FGGY: variants seen among roughly 807,000 people sequenced by gnomAD.
FGGY encodes the protein FGGY carbohydrate kinase domain-containing protein.
Under a neutral mutation model 71.3 loss-of-function variants are expected in FGGY, and 72 were observed. That is an observed-to-expected ratio of 1.01 (90% CI 0.84 to 1.23). The LOEUF is 1.23. FGGY is among the 50% of genes most tolerant of loss of function. FGGY has a pLI of 0.00. For missense variants in FGGY, 668 were observed against 682.3 expected (o/e 0.98, Z 0.23); for synonymous variants, 251 against 250.3 (o/e 1.00, Z -0.02).
intron 4 of FGGY, among the ~76,000 whole-genome samples, chr1:59,371,378 C>A (rs1392758412): frequency 3.9e-5 from 6 of 152,074 alleles, no homozygotes; most frequent in Non-Finnish European, 8.8e-5. Flanking sequence ...ATATATGCAC[C>A]CAATACAGGA....
chr1:59,302,896 G>A (rs1169540960), intron 1 of FGGY, among the ~76,000 whole-genome samples: 1 of 152,018 alleles, frequency 6.6e-6, no homozygotes, highest in Non-Finnish European at 1.5e-5. Context: ...AGCCATCAGG[G>A]CCTGGAGTTG....
intron 7 of FGGY, among the ~76,000 whole-genome samples, chr1:59,533,694 A>C (rs931884653): frequency 1.8e-4 from 27 of 146,914 alleles, no homozygotes; most frequent in Non-Finnish European, 2.8e-4. Context: ...TGACCCCTGA[A>C]CCCCGAGCAG....
At chr1:59,677,616 T>C (rs1050226452) in intron 14 of FGGY, among the ~76,000 whole-genome samples, 3 of 152,184 alleles carry the variant, frequency 2.0e-5, no homozygotes, top group African/African-American at 7.2e-5. Context: ...CTTTCTTGGG[T>C]GATACCAATG....
chr1:59,504,107 A>G lies in FGGY; in HGVS notation c.671-8204A>G, dbSNP rs2094314619. 2.0e-5 allele frequency among the ~76,000 whole-genome samples: 3 copies of G among 152,086 alleles called. No individual in the cohort carries two copies. In the South Asian group the frequency reaches 6.2e-4, roughly 31 times the overall value. On this transcript the variant is annotated intron_variant, in intron 6 of 15. Coordinates refer to ENST00000303721, the MANE Select transcript of FGGY (RefSeq NM_018291.5). ...TGCCTGTGTAAAAAAGCCTCCATAA[A>G]AACCCAAGAGTACAGGGTTTGGAGA...
At chr1:59,751,363 T>C (rs2101693518) in intron 14 of FGGY, among the ~76,000 whole-genome samples, 1 of 152,286 alleles carries the variant, frequency 6.6e-6, no homozygotes, top group Admixed American at 6.5e-5. Context: ...ACCACAGTGT[T>C]TTTTAACCAT....
rs569857079 is a variant in FGGY, at chr1:59,464,291, G to T, written c.670+7215G>T. 3.3e-5 allele frequency among the ~76,000 whole-genome samples: 5 copies of T among 152,284 alleles called. No individual in the cohort carries two copies. In the East Asian group the frequency reaches 9.6e-4, roughly 29 times the overall value. On this transcript the variant is annotated intron_variant, in intron 6 of 15. Coordinates refer to ENST00000303721, the MANE Select transcript of FGGY (RefSeq NM_018291.5). ...CTGGGTAAATAATGAAATGAATGTG[G>T]AAATAACGATGTTCTTTGAAACCAA...
intron 2 of FGGY, among the ~76,000 whole-genome samples, chr1:59,327,823 G>T (rs950933419): frequency 1.3e-5 from 2 of 152,176 alleles, no homozygotes; most frequent in Non-Finnish European, 2.9e-5. Context: ...TCATCTCCTT[G>T]TACATCTTCA....
At chr1:59,474,912 A>G (rs905064960) in intron 6 of FGGY, among the ~76,000 whole-genome samples, 3 of 151,744 alleles carry the variant, frequency 2.0e-5, no homozygotes, top group African/African-American at 7.3e-5. Flanking sequence ...CTCAGCCTCA[A>G]TTAGTATATT....
chr1:59,576,092 A>G (rs1571501789), intron 8 of FGGY, among the ~76,000 whole-genome samples: 2 of 152,190 alleles, frequency 1.3e-5, no homozygotes, highest in South Asian at 2.1e-4. Context: ...GCATTCTCAC[A>G]TGCACACATA....
chr1:59,610,693 G>A (rs570706084), intron 9 of FGGY, among the ~76,000 whole-genome samples: 35 of 152,358 alleles, frequency 2.3e-4, no homozygotes, highest in East Asian at 1.2e-3. Flanking sequence ...CCCACAGACC[G>A]TGAGCCGAAG....
intron 2 of FGGY, among the ~76,000 whole-genome samples, chr1:59,330,118 TAATA>T (rs759633211): frequency 2.6e-5 from 4 of 152,208 alleles, no homozygotes; most frequent in Non-Finnish European, 5.9e-5. Context: ...TGTTATCAAA[TAATA>T]AAATCATTCT....
At chr1:59,350,790 G>A (rs969433812) in intron 4 of FGGY, among the ~76,000 whole-genome samples, 1 of 152,188 alleles carries the variant, frequency 6.6e-6, no homozygotes, top group African/African-American at 2.4e-5. Context: ...GCATTGCTCT[G>A]TTAGATAAAT....
chr1:59,325,096 G>A (rs922187216), intron 2 of FGGY, among the ~76,000 whole-genome samples: 5 of 152,168 alleles, frequency 3.3e-5, no homozygotes, highest in South Asian at 2.1e-4. Flanking sequence ...GCTCACGCCT[G>A]TAATCCCAGC....
chr1:59,351,479 T>A (rs1456387756), intron 4 of FGGY, among the ~76,000 whole-genome samples: 2 of 152,204 alleles, frequency 1.3e-5, no homozygotes, highest in African/African-American at 2.4e-5. Flanking sequence ...TAATGCTACG[T>A]CAATTTTTGT....
intron 8 of FGGY, among the ~76,000 whole-genome samples, chr1:59,578,500 T>G (rs2096125653): frequency 6.6e-6 from 1 of 152,094 alleles, no homozygotes; most frequent in African/African-American, 2.4e-5. Context: ...TCTTGAAGTG[T>G]GTATACGCTA....
At chr1:59,636,502 G>A (rs2096960988) in intron 10 of FGGY, among the ~76,000 whole-genome samples, 1 of 151,892 alleles carries the variant, frequency 6.6e-6, no homozygotes, top group African/African-American at 2.4e-5. Flanking sequence ...GGACGCCTGT[G>A]GTCCCAGCTA....
chr1:59,386,273 G>GTCTT (rs1400830533), intron 5 of FGGY, among the ~76,000 whole-genome samples: 1 of 151,914 alleles, frequency 6.6e-6, no homozygotes, highest in African/African-American at 2.4e-5. Flanking sequence ...TAGTTTCTGC[G>GTCTT]TCTTTCTTTC....
At chr1:59,586,934 CAGTG>C (rs2096302814) in intron 8 of FGGY, among the ~76,000 whole-genome samples, 1 of 152,184 alleles carries the variant, frequency 6.6e-6, no homozygotes, top group Non-Finnish European at 1.5e-5. Flanking sequence ...GAGTGCCAGA[CAGTG>C]GGCGCAGGAC....
intron 8 of FGGY, among the ~76,000 whole-genome samples, chr1:59,584,391 G>A (rs1004715644): frequency 6.7e-6 from 1 of 149,786 alleles, no homozygotes; most frequent in African/African-American, 2.5e-5. Context: ...ACATAATCCA[G>A]CATATAAACA....
Sources: allele counts gnomAD v4.1 joint callset (sites outside exome capture counted in the v4.1 genomes callset), GRCh38; gene constraint gnomAD v4.1.1; transcripts MANE v1.5; gene names NCBI Gene and HGNC (gene_info 2026-07-23, HGNC 2026-07-21).